PTPRM: variants seen among roughly 807,000 people sequenced by gnomAD.
PTPRM encodes the protein receptor-type tyrosine-protein phosphatase mu.
A neutral mutation model predicts 186.7 loss-of-function variants in PTPRM; 47 were observed. That is an observed-to-expected ratio of 0.25 (90% confidence interval 0.20 to 0.32). The LOEUF is 0.32. Among genes scored for constraint, PTPRM ranks in the 10% least tolerant of loss-of-function variants. PTPRM has a pLI of 1.00. For synonymous variants in PTPRM, 668 were observed against 674.9 expected, an observed-to-expected ratio of 0.99 and a Z score of 0.16; for missense variants, 1,494 against 1,865.0, an observed-to-expected ratio of 0.80 and a Z score of 3.66.
intron 20 of PTPRM, among the ~76,000 whole-genome samples, chr18:8,310,223 T>C (rs897131083): frequency 1.3e-5 from 2 of 152,008 alleles, no homozygotes; most frequent in Admixed American, 6.6e-5. Context: ...GCCCTCTCTA[T>C]GCTAAACTGC....
At chr18:7,926,737 C>T in intron 5 of PTPRM, 54 bp downstream of exon 5, 1 of 1,363,404 alleles carries the variant, frequency 7.3e-7, no homozygotes, top group Non-Finnish European at 1.0e-6. Context: ...AGAATACACT[C>T]CCCCTGGAGG....
At chr18:8,255,043 A>G (rs766203726) in intron 19 of PTPRM, among the ~76,000 whole-genome samples, 3 of 152,244 alleles carry the variant, frequency 2.0e-5, no homozygotes, top group Non-Finnish European at 4.4e-5. Context: ...TAGCAATTCA[A>G]TGTGTAAATT....
rs2036483041 is a variant in PTPRM, at chr18:7,568,332, C to T, written c.73+441C>T. On this transcript the variant is annotated intron_variant, in intron 1 of 32. Transcript: ENST00000580170. The surrounding 1 kb of genome is among the most constrained non-coding windows in gnomAD (Gnocchi z 5.1). The stretch of plus-strand genomic sequence containing the variant: ...CCGAGCAGCGGCCGGGCCCAGGCCG[C>T]TGGTGTTCGGCTGCGCCCGCAGCGA... Among the ~76,000 whole-genome samples, 1 of 151,830 alleles carries T rather than the reference C, an allele frequency of 6.6e-6. No individual in the cohort carries two copies. The highest frequency in any genetic ancestry group is 2.4e-5 in the African/African-American group (1 of 41,408).
At chr18:7,964,628 G>C (rs2147215606) in intron 7 of PTPRM, among the ~76,000 whole-genome samples, 1 of 152,254 alleles carries the variant, frequency 6.6e-6, no homozygotes, top group South Asian at 2.1e-4. Flanking sequence ...ATTATGTTTT[G>C]TTACCACAAG....
intron 7 of PTPRM, among the ~76,000 whole-genome samples, chr18:8,027,863 G>A (rs1395648547): frequency 6.6e-6 from 1 of 152,118 alleles, no homozygotes; most frequent in East Asian, 1.9e-4. Flanking sequence ...TTATCTGTTA[G>A]CGATTTCTTC....
chr18:7,868,416 C>A (rs2047820063), intron 2 of PTPRM, among the ~76,000 whole-genome samples: 2 of 152,132 alleles, frequency 1.3e-5, no homozygotes, highest in Non-Finnish European at 2.9e-5. Context: ...TATACTATTC[C>A]TTTCTGTTTG....
chr18:7,834,491 T>TACACACACACACACACATACACACAC (rs756488501), intron 2 of PTPRM, among the ~76,000 whole-genome samples: 7,628 of 84,194 alleles, frequency 0.091, 823 homozygotes, highest in East Asian at 0.21. Flanking sequence ...TATACAAGTA[T>TACACACACACACACACATACACACAC]ACACACACAC....
chr18:7,711,485 C>G (rs2040212478), intron 1 of PTPRM, among the ~76,000 whole-genome samples: 1 of 152,132 alleles, frequency 6.6e-6, no homozygotes, highest in African/African-American at 2.4e-5. Flanking sequence ...GAGACAGAAC[C>G]ATTCACTCCC....
intron 23 of PTPRM, among the ~76,000 whole-genome samples, chr18:8,366,664 G>C (rs1185559935): frequency 6.6e-6 from 1 of 152,186 alleles, no homozygotes; most frequent in African/African-American, 2.4e-5. Flanking sequence ...GAGTTTTAAA[G>C]CCAATAAGGA....
chr18:7,894,445 G>T (rs2049243439), intron 3 of PTPRM, among the ~76,000 whole-genome samples: 2 of 151,882 alleles, frequency 1.3e-5, no homozygotes. Context: ...AAATTAGCGG[G>T]CGTGGTGGCG....
chr18:7,770,568 A>G (rs998435884), intron 1 of PTPRM, among the ~76,000 whole-genome samples: 2 of 152,224 alleles, frequency 1.3e-5, no homozygotes, highest in South Asian at 2.1e-4. Context: ...CAGAAATACC[A>G]TGTGAGGTAC....
intron 3 of PTPRM, among the ~76,000 whole-genome samples, chr18:7,902,149 T>C (rs1866854): frequency 0.39 from 59,710 of 152,056 alleles, 13,260 homozygotes; most frequent in East Asian, 0.63. Flanking sequence ...TTGGAACCTG[T>C]CAAGTTTGAG....
intron 7 of PTPRM, among the ~76,000 whole-genome samples, chr18:7,974,146 C>T (rs1008657915): frequency 1.3e-5 from 2 of 152,162 alleles, no homozygotes; most frequent in Non-Finnish European, 2.9e-5. Flanking sequence ...GCTAAAAAGG[C>T]AGCTGCTATG....
At chr18:7,582,232 T>G (rs1230957211) in intron 1 of PTPRM, among the ~76,000 whole-genome samples, 1 of 152,198 alleles carries the variant, frequency 6.6e-6, no homozygotes, top group Non-Finnish European at 1.5e-5. Context: ...GTGCCTCTGC[T>G]GACCTAAGTT....
chr18:8,085,815 A>G lies in PTPRM; in HGVS notation c.1696A>G (p.Ser566Gly), dbSNP rs1308489116. 1 of 1,613,368 alleles carries G rather than the reference A, an allele frequency of 6.2e-7. No individual in the cohort carries two copies. Among genetic ancestry groups the G allele is most frequent in the African/African-American group, 1.3e-5 (1 of 74,856 alleles). The change falls in exon 10 of 33, where the codon AGC becomes GGC. Residue 566 changes from serine to glycine, a missense_variant. Around this residue, in one of 3 missense-constraint regions of PTPRM, gnomAD observed 1,107 missense variants for 1,350.2 expected, o/e 0.82. Transcript: ENST00000580170. ...CACATACTCCTTTACCATCCGAGCT[A>G]GCACAGCTAAGGGTTTTGGGCCTCC... is the stretch of plus-strand genomic sequence containing the variant. The part of the protein sequence containing the change: ...GTTYSFTIRA[S>G]TAKGFGPPAT...
intron 19 of PTPRM, among the ~76,000 whole-genome samples, chr18:8,293,771 G>C (rs1319168764): frequency 6.6e-6 from 1 of 152,108 alleles, no homozygotes; most frequent in Non-Finnish European, 1.5e-5. Flanking sequence ...CAGAATAGAA[G>C]CTACATGTTT....
intron 1 of PTPRM, among the ~76,000 whole-genome samples, chr18:7,644,686 G>C (rs536837441): frequency 2.0e-5 from 3 of 152,104 alleles, no homozygotes; most frequent in East Asian, 1.9e-4. Context: ...AAGCAAGCCA[G>C]CTGAAAAAAA....
intron 7 of PTPRM, among the ~76,000 whole-genome samples, chr18:7,996,641 C>T (rs2147709226): frequency 6.6e-6 from 1 of 151,966 alleles, no homozygotes; most frequent in Middle Eastern, 3.4e-3. Context: ...TTAGAAATAC[C>T]TTAAAAACTA....
intron 7 of PTPRM, among the ~76,000 whole-genome samples, chr18:7,966,610 G>A (rs553742536): frequency 2.0e-3 from 302 of 147,558 alleles, no homozygotes; most frequent in Middle Eastern, 6.8e-3. Flanking sequence ...CACCGTGCGC[G>A]AGCCGAAGCA....
Sources: gnomAD v4.1 joint callset for allele counts (sites outside exome capture counted in the v4.1 genomes callset) on GRCh38, gnomAD v4.1.1 for gene constraint, gnomAD v4.1.1 regional missense constraint, Gnocchi (gnomAD v3.1) non-coding constraint, MANE v1.5 for transcripts, NCBI Gene and HGNC (gene_info 2026-07-23, HGNC 2026-07-21) for gene names.